The following NEFM variants were observed in gnomAD, a reference collection of about 807,000 sequenced individuals.
The protein encoded by NEFM is neurofilament medium chain, also known as neurofilament medium polypeptide.
Under a neutral mutation model 48.1 loss-of-function variants are expected in NEFM, and 16 were observed. The observed-to-expected ratio is 0.33, with a 90% CI of 0.23 to 0.51. NEFM has a LOEUF of 0.51. Among genes scored for constraint, NEFM ranks in the 20% least tolerant of loss-of-function variants. The probability of loss-of-function intolerance (pLI) is 0.98; values close to 1 mark genes in which losing one functional copy is unlikely to be tolerated. For synonymous variants in NEFM, 465 were observed against 456.9 expected (o/e 1.02, Z -0.23); for missense variants, 1,107 against 1,136.0 (o/e 0.97, Z 0.37).
At chr8:24,914,988 G>C in intron 1 of NEFM, 115 bp downstream of exon 1, 1 of 1,417,808 alleles carries the variant, frequency 7.1e-7, no homozygotes, top group Non-Finnish European at 9.1e-7. Flanking sequence ...CCGCTCGCTA[G>C]AGCACGCGCG....
rs1182265735 is a variant in NEFM at position 24,913,814 on chromosome 8, G to C, written c.21G>C (p.Ser7=). 9 of 1,609,764 alleles carry C rather than the reference G, an allele frequency of 5.6e-6. No homozygotes were observed. The highest frequency in any genetic ancestry group is 7.6e-6 in the Non-Finnish European group (9 of 1,178,722). ...CCAAGATGAGCTACACGTTGGACTCGCTGGGCAACCCGTCCGCCTACCGGC... is the reference window on the plus strand; with the variant it reads ...CCAAGATGAGCTACACGTTGGACTCCCTGGGCAACCCGTCCGCCTACCGGC... MSYTLD[S]LGNPSAYRRV... is the part of the protein sequence containing the mutation. The change falls in exon 1 of 3, where the codon TCG becomes TCC. Residue 7 remains serine, a synonymous_variant. Transcript: ENST00000221166.
rs751034774 is a variant in NEFM at position 24,918,214 on chromosome 8, G to C, written c.2359G>C (p.Gly787Arg). Residue 787 changes from glycine (G) to arginine (R), a missense_variant, in exon 3 of 3, where the codon GGG becomes CGG. Transcript: ENST00000221166. ...AGGAGAGGGAGGAAGTGAGGAGGAA[G>C]GGAGTGATAAAGGTGCCAAGGGATC... ...AGGEGGSEEE[G>R]SDKGAKGSRK... 5 of 1,555,298 alleles carry C rather than the reference G, an allele frequency of 3.2e-6. No homozygotes were observed. The South Asian group carries it at 5.9e-5, about 18-fold the overall frequency.
At chr8:24,915,409 T>C (rs1169157943) in intron 1 of NEFM, 196 bp from the exon 2 acceptor site, 1 of 1,067,724 alleles carries the variant, frequency 9.4e-7, no homozygotes, top group African/African-American at 1.6e-5. Context: ...TTACTGATCT[T>C]GTATGTTCAT....
In NEFM at chr8:24,914,531, G is replaced by T. The variant is rs539541334; in HGVS notation, c.738G>T (p.Leu246=). The change falls in exon 1 of 3, where the codon CTG becomes CTT. Residue 246 remains leucine (L), a synonymous_variant. Coordinates refer to ENST00000221166, the MANE Select transcript of NEFM (RefSeq NM_005382.2). ...ACGAGGAGGAGGTGGCCGACCTTCT[G>T]GCCCAGATCCAGGCATCGCACATCA... ...SNHEEEVADL[L]AQIQASHITV... is the part of the protein sequence containing the mutation. The T allele has an allele frequency of 1.2e-6, 2 of 1,614,146 alleles. No homozygotes were observed. Among genetic ancestry groups the T allele is most frequent in the South Asian group, 2.2e-5 (2 of 91,080 alleles).
At position 24,917,964 on chromosome 8, in the gene NEFM, G is replaced by T. The variant is rs148288445; in HGVS notation, c.2109G>T (p.Glu703Asp). The T allele has an allele frequency of 1.3e-4, 203 of 1,613,378 alleles. No homozygotes were observed. In the African/African-American group the frequency reaches 2.4e-3, roughly 19 times the overall value. ...AAGTGGGGAAAGGTGAACAGAAAGAGGAAGAAGAAAAGGAAGTCAAGGAAG... is the reference window on the plus strand; with the variant it reads ...AAGTGGGGAAAGGTGAACAGAAAGATGAAGAAGAAAAGGAAGTCAAGGAAG... ...KAEVGKGEQK[E>D]EEEKEVKEAP... Residue 703 changes from glutamate to aspartate, a missense_variant, in exon 3 of 3, where the codon GAG (glutamate) becomes GAT (aspartate). By Grantham distance (45) the Glu-to-Asp change is conservative. This residue lies in a region of NEFM where 917 missense variants were observed against 916.4 expected (regional missense o/e 1.00). Transcript: ENST00000221166.
Position 24,917,269 on chromosome 8 carries a change from G to T in NEFM, c.1414G>T (p.Ala472Ser). 2 of 1,614,098 alleles carry T rather than the reference G, an allele frequency of 1.2e-6. No homozygotes were observed. Among genetic ancestry groups the T allele is most frequent in the Non-Finnish European group, 1.7e-6 (2 of 1,180,040 alleles). The change falls in exon 3 of 3, where the codon GCC becomes TCC. Residue 472 changes from alanine (A) to serine (S), a missense_variant. Transcript: ENST00000221166. ...GGATGAGAAGTCAGAAATGGAAGAG[G>T]CCCTGACAGCCATTACAGAGGAATT... ...VEDEKSEMEE[A>S]LTAITEELAV...
intron 1 of NEFM, 157 bp downstream of exon 1, chr8:24,915,030 C>T (rs1802552146): frequency 1.4e-6 from 2 of 1,390,970 alleles, no homozygotes; most frequent in Non-Finnish European, 1.8e-6. Context: ...GGATCAGCGT[C>T]CTCGCCCATC....
In NEFM at chr8:24,914,800, G is replaced by A. The variant is rs868397634; in HGVS notation, c.1007G>A (p.Gly336Asp). 2 of 1,605,480 alleles carry A rather than the reference G, an allele frequency of 1.2e-6. No individual in the cohort carries two copies. The highest frequency in any genetic ancestry group is 1.1e-5 in the South Asian group (1 of 89,948). The change falls in exon 1 of 3, where the codon GGC (glycine) becomes GAC (aspartate). Residue 336 changes from glycine to aspartate, a missense_variant. Transcript: ENST00000221166. Reference protein sequence around the residue: ...SKSIELESVRGTKESLERQLS... With the variant: ...SKSIELESVRDTKESLERQLS... The stretch of plus-strand genomic sequence containing the variant: ...AGCATCGAGCTAGAGTCGGTGCGCG[G>A]CACCAAGGAGTCCCTGGAGCGGCAG...
chr8:24,917,461 G>A lies in NEFM; in HGVS notation c.1606G>A (p.Glu536Lys). The change falls in exon 3 of 3, where the codon GAG becomes AAG. Residue 536 changes from glutamate (E) to lysine (K), a missense_variant. Glu to Lys is a moderately conservative substitution (Grantham distance 56, BLOSUM62 1). This residue lies in a region of NEFM where 917 missense variants were observed against 916.4 expected (regional missense o/e 1.00). Transcript: ENST00000221166. Reference protein sequence around the residue: ...EKEEEEGQEEEEEEDEGAKSD... With the variant: ...EKEEEEGQEEKEEEDEGAKSD... ...GGAGGAAGAAGAAGGCCAGGAAGAA[G>A]AGGAGGAAGAAGATGAGGGAGCTAA... is the stretch of plus-strand genomic sequence containing the variant. 6.4e-7 allele frequency: 1 copy of A among 1,555,452 alleles called. No homozygotes were observed. Among genetic ancestry groups the A allele is most frequent in the Non-Finnish European group, 8.7e-7 (1 of 1,148,946 alleles).
Position 24,914,067 on chromosome 8 carries a change from G to A in NEFM, c.274G>A (p.Gly92Ser), listed in dbSNP as rs1271971550. The change falls in exon 1 of 3, where the codon GGC becomes AGC. Residue 92 changes from glycine (G) to serine (S), a missense_variant. Coordinates refer to ENST00000221166, the MANE Select transcript of NEFM (RefSeq NM_005382.2). ...SLLNGGSGPGGDYKLSRSNEK... is the reference protein window; with the variant it reads ...SLLNGGSGPGSDYKLSRSNEK... ...GCTCAACGGCGGCTCCGGACCCGGC[G>A]GCGACTACAAGCTGTCCCGCTCCAA... 1.9e-6 allele frequency: 3 copies of A among 1,612,750 alleles called. No homozygotes were observed. The highest frequency in any genetic ancestry group is 2.7e-5 in the African/African-American group (2 of 74,950).
At chr8:24,915,265 T>C (rs1802555143) in intron 1 of NEFM, 1 of 1,266,612 alleles carries the variant, frequency 7.9e-7, no homozygotes, top group South Asian at 1.9e-5. Flanking sequence ...CAAAATTGGC[T>C]TCAGCCCAAA....
At position 24,918,882 on chromosome 8, in the gene NEFM, A is replaced by G; in HGVS notation, c.*276A>G. On this transcript the variant is annotated 3_prime_UTR_variant, in exon 3 of 3. Coordinates refer to ENST00000221166, the MANE Select transcript of NEFM (RefSeq NM_005382.2). ...GGGATGTCTTGAGATGTATTATGCA[A>G]AGTACCAACTGAGCCAAAAACAATA... 2.2e-6 allele frequency: 1 copy of G among 462,346 alleles called. No homozygotes were observed. The highest frequency in any genetic ancestry group is 4.2e-5 in the East Asian group (1 of 23,690). 28.6% of individuals were successfully genotyped at this position (462,346 alleles called of 1,614,324 possible). A position where few individuals can be genotyped will look rare whatever the true frequency, so the allele number is the denominator to read the frequency against.
Position 24,917,299 on chromosome 8 carries a change from G to C in NEFM, c.1444G>C (p.Val482Leu), listed in dbSNP as rs61751047. Residue 482 changes from valine to leucine, a missense_variant, in exon 3 of 3, where the codon GTT becomes CTT. Val to Leu is a conservative substitution (Grantham distance 32). This residue lies in a region of NEFM where 917 missense variants were observed against 916.4 expected (regional missense o/e 1.00). Coordinates refer to ENST00000221166, the MANE Select transcript of NEFM (RefSeq NM_005382.2). ...ALTAITEELA[V>L]SMKEEKKEAA... ...GACAGCCATTACAGAGGAATTGGCC[G>C]TTTCCATGAAGGAAGAGAAGAAAGA... 4 of 1,614,076 alleles carry C rather than the reference G, an allele frequency of 2.5e-6. No individual in the cohort carries two copies. Among genetic ancestry groups the C allele is most frequent in the Admixed American group, 1.7e-5 (1 of 59,992 alleles).
In NEFM at chr8:24,914,566, G is replaced by C; in HGVS notation, c.773G>C (p.Arg258Pro). The C allele has an allele frequency of 6.2e-7, 1 of 1,614,138 alleles. No homozygotes were observed. The highest frequency in any genetic ancestry group is 8.5e-7 in the Non-Finnish European group (1 of 1,180,032). The change falls in exon 1 of 3, where the codon CGC (arginine) becomes CCC (proline). Residue 258 changes from arginine to proline, a missense_variant. Arg to Pro is a moderately radical substitution (Grantham distance 103). Transcript: ENST00000221166. ...QIQASHITVE[R>P]KDYLKTDIST... is the part of the protein sequence containing the mutation. ...CAGGCATCGCACATCACGGTGGAGC[G>C]CAAAGACTACCTGAAGACAGACATC...
In NEFM at chr8:24,913,945, C is replaced by T. The variant is rs977390733; in HGVS notation, c.152C>T (p.Ser51Phe). The T allele has an allele frequency of 1.2e-6, 2 of 1,611,640 alleles. No individual in the cohort carries two copies. The highest frequency in any genetic ancestry group is 2.7e-5 in the African/African-American group (2 of 74,932). The change falls in exon 1 of 3, where the codon TCC (serine) becomes TTC (phenylalanine). Residue 51 changes from serine to phenylalanine, a missense_variant. Transcript: ENST00000221166. ...GGCTCGCCCAGCACCGTGTCCTCCT[C>T]CTATAAGCGCAGCATGCTCGCCCCG... is the stretch of plus-strand genomic sequence containing the variant. The part of the protein sequence containing the change: ...SRGSPSTVSS[S>F]YKRSMLAPRL...
rs370207611 is a variant in NEFM, at chr8:24,917,352, C to T, written c.1497C>T (p.Pro499=). Residue 499 remains proline, a synonymous_variant, in exon 3 of 3, where the codon CCC becomes CCT. Coordinates refer to ENST00000221166, the MANE Select transcript of NEFM (RefSeq NM_005382.2). The stretch of plus-strand genomic sequence containing the variant: ...CAGCAGAAGAAAAGGAAGAGGAACC[C>T]GAAGCTGAAGAAGAAGAAGTAGCTG... ...KEAAEEKEEE[P]EAEEEEVAAK... is the part of the protein sequence containing the mutation. 5.0e-6 allele frequency: 8 copies of T among 1,605,684 alleles called. No homozygotes were observed. Among genetic ancestry groups the T allele is most frequent in the South Asian group, 2.2e-5 (2 of 90,190 alleles).
Position 24,917,096 on chromosome 8 carries a change from C to A in NEFM, c.1241C>A (p.Thr414Lys). The change falls in exon 3 of 3, where the codon ACA becomes AAA. Residue 414 changes from threonine (T) to lysine (K), a missense_variant. By Grantham distance (78) the Thr-to-Lys change is moderately conservative. Around this residue, in one of 3 missense-constraint regions of NEFM, gnomAD observed 917 missense variants for 916.4 expected, o/e 1.00. Transcript: ENST00000221166. ...LLEGEETRFS[T>K]FAGSITGPLY... The stretch of plus-strand genomic sequence containing the variant: ...GAGGGTGAAGAGACTAGATTTAGCA[C>A]ATTTGCAGGAAGCATCACTGGGCCA... 6.2e-7 allele frequency: 1 copy of A among 1,614,128 alleles called. No individual in the cohort carries two copies. The highest frequency in any genetic ancestry group is 8.5e-7 in the Non-Finnish European group (1 of 1,180,022).
chr8:24,914,065 G>T lies in NEFM; in HGVS notation c.272G>T (p.Gly91Val). The T allele has an allele frequency of 6.2e-7, 1 of 1,612,854 alleles. No homozygotes were observed. The highest frequency in any genetic ancestry group is 8.5e-7 in the Non-Finnish European group (1 of 1,179,918). Residue 91 changes from glycine to valine, a missense_variant, in exon 1 of 3, where the codon GGC becomes GTC. Gly to Val is a moderately radical substitution (Grantham distance 109, BLOSUM62 -3). Transcript: ENST00000221166. ...CTGCTCAACGGCGGCTCCGGACCCG[G>T]CGGCGACTACAAGCTGTCCCGCTCC... ...SSLLNGGSGP[G>V]GDYKLSRSNE... is the part of the protein sequence containing the mutation.
chr8:24,915,271 C>T (rs1296369405), intron 1 of NEFM: 4 of 1,273,534 alleles, frequency 3.1e-6, no homozygotes, highest in Non-Finnish European at 4.0e-6. Context: ...TGGCTTCAGC[C>T]CAAAGGGCTC....
Sources: gnomAD v4.1 joint callset for allele counts on GRCh38, gnomAD v4.1.1 for gene constraint, gnomAD v4.1.1 regional missense constraint, MANE v1.5 for transcripts, NCBI Gene and HGNC (gene_info 2026-07-23, HGNC 2026-07-21) for gene names.